CFAP20DC: variants seen among roughly 807,000 people sequenced by gnomAD.
The protein encoded by CFAP20DC is CFAP20 domain containing.
CFAP20DC carries 84 observed loss-of-function variants against 101.7 expected under a neutral mutation model. The observed-to-expected ratio is 0.83, with a 90% CI of 0.69 to 0.99. The LOEUF (loss-of-function observed/expected upper bound fraction) is 0.99. Ranked by LOEUF, CFAP20DC falls within the 50% of genes least tolerant of loss-of-function variation. CFAP20DC has a pLI of 0.00. For missense variants in CFAP20DC, 1,007 were observed against 970.3 expected (o/e 1.04, Z -0.50); for synonymous variants, 359 against 351.2 (o/e 1.02, Z -0.25).
intron 6 of CFAP20DC, among the ~76,000 whole-genome samples, chr3:58,885,230 CCT>C (rs2108658862): frequency 6.6e-6 from 1 of 152,134 alleles, no homozygotes; most frequent in Non-Finnish European, 1.5e-5. Context: ...TACCCAGCTT[CCT>C]CTGTTAACAT....
chr3:58,795,886 G>A lies in CFAP20DC; in HGVS notation c.2237+10509C>T, dbSNP rs577407017. 1.7e-3 allele frequency among the ~76,000 whole-genome samples: 257 copies of A among 152,322 alleles called. 1 individual carries two copies. Among genetic ancestry groups the A allele is most frequent in the African/African-American group, 5.7e-3 (239 of 41,570 alleles). On this transcript the variant is annotated intron_variant, in intron 15 of 16. Coordinates refer to ENST00000482387, the MANE Select transcript of CFAP20DC (RefSeq NM_001394063.1). The surrounding 1 kb of genome is among the most constrained non-coding windows in gnomAD (Gnocchi z 4.2). The stretch of plus-strand genomic sequence containing the variant: ...GGAAAACTAGGAAACTCAGGTGGAA[G>A]TCCCAGTGGCCCAAAAGAGACCTGG...
Position 58,861,859 on chromosome 3 carries a change from T to C in CFAP20DC, c.1593+1699A>G, listed in dbSNP as rs567060888. On this transcript the variant is annotated intron_variant, in intron 12 of 16. Transcript: ENST00000482387. This position sits in a 1 kb window ranked among gnomAD's most constrained non-coding sequence, Gnocchi z 4.0. ...ACCAGATAGCCCTGCCAGTGAAAGCTTGGGTAATGCATGATAAATTTGTTT... is the reference window on the plus strand; with the variant it reads ...ACCAGATAGCCCTGCCAGTGAAAGCCTGGGTAATGCATGATAAATTTGTTT... 1.7e-5 allele frequency: 17 copies of C among 985,458 alleles called. No individual in the cohort carries two copies. Among genetic ancestry groups the C allele is most frequent in the Middle Eastern group, 5.2e-4 (1 of 1,914 alleles). 61.0% of individuals were successfully genotyped at this position (985,458 alleles called of 1,614,324 possible).
chr3:58,843,096 C>A (rs1326114172), intron 13 of CFAP20DC, among the ~76,000 whole-genome samples: 1 of 152,188 alleles, frequency 6.6e-6, no homozygotes, highest in Non-Finnish European at 1.5e-5. Flanking sequence ...AACTCTAAAA[C>A]GCAGAGCGCC....
In CFAP20DC at chr3:58,859,828, T is replaced by A. The variant is rs1457704044; in HGVS notation, c.1593+3730A>T. Among the ~76,000 whole-genome samples, 1 of 152,078 alleles carries A rather than the reference T, an allele frequency of 6.6e-6. No homozygotes were observed. The highest frequency in any genetic ancestry group is 1.5e-5 in the Non-Finnish European group (1 of 68,018). On this transcript the variant is annotated intron_variant, in intron 12 of 16. Transcript: ENST00000482387. The surrounding 1 kb of genome is among the most constrained non-coding windows in gnomAD (Gnocchi z 4.1). The stretch of plus-strand genomic sequence containing the variant: ...ACATAGAAATATAAGAAGACTACTG[T>A]CAACTAAATATTCCTTTCCACCGTG...
intron 7 of CFAP20DC, among the ~76,000 whole-genome samples, chr3:58,872,713 T>C (rs1221758242): frequency 6.6e-6 from 1 of 152,152 alleles, no homozygotes; most frequent in Non-Finnish European, 1.5e-5. Flanking sequence ...AGAATTTACT[T>C]CAGGAAGCTT....
Position 58,753,861 on chromosome 3 carries a change from T to C in CFAP20DC, c.2240A>G (p.Asp747Gly). 6.2e-7 allele frequency: 1 copy of C among 1,603,392 alleles called. No individual in the cohort carries two copies. The highest frequency in any genetic ancestry group is 1.3e-5 in the African/African-American group (1 of 74,526). The change falls in exon 16 of 17, where the codon GAC becomes GGC. Residue 747 changes from aspartate (D) to glycine (G), a missense_variant and splice_region_variant. Coordinates refer to ENST00000482387, the MANE Select transcript of CFAP20DC (RefSeq NM_001394063.1). ...TGGTGGGCTCAACATATTTAACCAG[T>C]CCCTAAAAAGAAAACAAAGTGAATG... The part of the protein sequence containing the change: ...MNPPSPSNPR[D>G]WLNMLSPPIV...
intron 4 of CFAP20DC, among the ~76,000 whole-genome samples, chr3:59,019,522 C>A (rs952151132): frequency 6.6e-6 from 1 of 151,740 alleles, no homozygotes; most frequent in Admixed American, 6.6e-5. Context: ...CCTAAATGAC[C>A]CTGCAGGACA....
chr3:58,916,187 A>G (rs1261872423), intron 5 of CFAP20DC, among the ~76,000 whole-genome samples: 3 of 152,092 alleles, frequency 2.0e-5, no homozygotes, highest in Admixed American at 6.6e-5. Context: ...CCATCTAGGA[A>G]AGACTTGGAG....
chr3:58,994,027 GAAC>G (rs2093028078), intron 4 of CFAP20DC, among the ~76,000 whole-genome samples: 1 of 152,160 alleles, frequency 6.6e-6, no homozygotes, highest in South Asian at 2.1e-4. Flanking sequence ...CACAATGGTT[GAAC>G]TAACTTACAC....
At chr3:58,890,429 CG>C (rs1302622441) in intron 6 of CFAP20DC, among the ~76,000 whole-genome samples, 3 of 116,400 alleles carry the variant, frequency 2.6e-5, no homozygotes, top group Non-Finnish European at 3.5e-5. Context: ...GCTGGCCGGG[CG>C]GGGGGGCTGA....
At chr3:58,910,853 T>G (rs1011700773) in intron 6 of CFAP20DC, among the ~76,000 whole-genome samples, 1 of 151,932 alleles carries the variant, frequency 6.6e-6, no homozygotes, top group African/African-American at 2.4e-5. Context: ...TTTCCTAAGT[T>G]TTGATACCCA....
At position 58,742,442 on chromosome 3, in the gene CFAP20DC, C is replaced by T; in HGVS notation, c.*18G>A. On this transcript the variant is annotated 3_prime_UTR_variant, in exon 17 of 17. Transcript: ENST00000482387. ...TGCTCCAGCTGGGAGTGCCTGCTCT[C>T]TGCCCCGGAAGGAGGCATTATACCA... 1 of 1,579,624 alleles carries T rather than the reference C, an allele frequency of 6.3e-7. No homozygotes were observed. Among genetic ancestry groups the T allele is most frequent in the Non-Finnish European group, 8.6e-7 (1 of 1,162,704 alleles).
At chr3:58,858,334 T>C (rs2078999682) in intron 12 of CFAP20DC, among the ~76,000 whole-genome samples, 1 of 152,222 alleles carries the variant, frequency 6.6e-6, no homozygotes, top group Admixed American at 6.5e-5. Flanking sequence ...AGCATATGTA[T>C]GCCGAAGATG....
At chr3:58,785,845 C>G (rs532334707) in intron 15 of CFAP20DC, among the ~76,000 whole-genome samples, 21 of 152,172 alleles carry the variant, frequency 1.4e-4, no homozygotes, top group African/African-American at 5.1e-4. Flanking sequence ...GACAGGATAT[C>G]AAGTCTCCTT....
Position 59,001,888 on chromosome 3 carries a change from C to T in CFAP20DC, c.278+37669G>A, listed in dbSNP as rs893423253. Among the ~76,000 whole-genome samples, 9 of 151,962 alleles carry T rather than the reference C, an allele frequency of 5.9e-5. No homozygotes were observed. The highest frequency in any genetic ancestry group is 1.2e-4 in the Non-Finnish European group (8 of 68,012). On this transcript the variant is annotated intron_variant, in intron 4 of 16. Transcript: ENST00000482387. The surrounding 1 kb of genome is among the most constrained non-coding windows in gnomAD (Gnocchi z 4.5). ...TCTCTGCCAATTAGTGTGGCTTGAG[C>T]GGAAGGACAAAAACGTGACATGTGG...
chr3:58,816,383 G>A (rs2075139803), intron 14 of CFAP20DC, among the ~76,000 whole-genome samples: 1 of 152,164 alleles, frequency 6.6e-6, no homozygotes, highest in Non-Finnish European at 1.5e-5. Context: ...GAGGTACCGG[G>A]TTTATCTCAC....
chr3:58,894,396 G>A lies in CFAP20DC; in HGVS notation c.551-9687C>T, dbSNP rs1194336130. 2.0e-5 allele frequency among the ~76,000 whole-genome samples: 3 copies of A among 152,262 alleles called. No homozygotes were observed. Among genetic ancestry groups the A allele is most frequent in the African/African-American group, 7.2e-5 (3 of 41,554 alleles). On this transcript the variant is annotated intron_variant, in intron 6 of 16. Coordinates refer to ENST00000482387, the MANE Select transcript of CFAP20DC (RefSeq NM_001394063.1). The surrounding 1 kb of genome is among the most constrained non-coding windows in gnomAD (Gnocchi z 4.1). The stretch of plus-strand genomic sequence containing the variant: ...GTACCTATTCCAAATGAGAGAAATT[G>A]GCAAAAACAAAGAAGCTACAGGCCC...
rs114867337 is a variant in CFAP20DC at position 58,838,336 on chromosome 3, T to C, written c.1972-6447A>G. 7.5e-3 allele frequency among the ~76,000 whole-genome samples: 1,137 copies of C among 152,296 alleles called. 13 individuals carry two copies. The highest frequency in any genetic ancestry group is 0.025 in the African/African-American group (1,054 of 41,550). On this transcript the variant is annotated intron_variant, in intron 13 of 16. Transcript: ENST00000482387. ...TATGTTCATGGCAGGCACATGGACCTAGGCATAACCAGACTTGATGCTGCC... is the reference window on the plus strand; with the variant it reads ...TATGTTCATGGCAGGCACATGGACCCAGGCATAACCAGACTTGATGCTGCC...
intron 15 of CFAP20DC, among the ~76,000 whole-genome samples, chr3:58,800,796 A>G (rs1052049932): frequency 6.6e-6 from 1 of 152,192 alleles, no homozygotes; most frequent in Non-Finnish European, 1.5e-5. Flanking sequence ...TTATCTGGTT[A>G]TGAATGAAAC....
Sources: allele counts gnomAD v4.1 joint callset (sites outside exome capture counted in the v4.1 genomes callset), GRCh38; gene constraint gnomAD v4.1.1; non-coding constraint Gnocchi (gnomAD v3.1); transcripts MANE v1.5; gene names NCBI Gene and HGNC (gene_info 2026-07-23, HGNC 2026-07-21).